The following TMEM62 variants were observed in gnomAD, a reference collection of about 807,000 sequenced individuals.
The protein encoded by TMEM62 is transmembrane protein 62.
A neutral mutation model predicts 70.4 loss-of-function variants in TMEM62; 41 were observed. The ratio of observed to expected loss-of-function variants is 0.58; its 90% CI spans 0.45 to 0.76. The LOEUF is 0.76. Ranked by LOEUF, TMEM62 falls within the 30% of genes least tolerant of loss-of-function variation. TMEM62 has a pLI of 0.00. For synonymous variants in TMEM62, 268 were observed against 291.0 expected, an observed-to-expected ratio of 0.92 and a Z score of 0.80; for missense variants, 688 against 788.5, an observed-to-expected ratio of 0.87 and a Z score of 1.53.
At chr15:43,165,609 T>C (rs578008281) in intron 10 of TMEM62, among the ~76,000 whole-genome samples, 9 of 151,908 alleles carry the variant, frequency 5.9e-5, no homozygotes, top group Admixed American at 4.6e-4. Flanking sequence ...GGCGGGCACC[T>C]GTAGTCTCAG....
At chr15:43,159,070 AT>A (rs986478226) in intron 9 of TMEM62, among the ~76,000 whole-genome samples, 3 of 151,842 alleles carry the variant, frequency 2.0e-5, no homozygotes, top group Non-Finnish European at 4.4e-5. Flanking sequence ...TTTCTTATGC[AT>A]TTTTTTCTTT....
At chr15:43,138,551 C>CTTTTT in intron 3 of TMEM62, 23 bp from the exon 4 acceptor site, 1 of 1,317,484 alleles carries the variant, frequency 7.6e-7, no homozygotes, top group Non-Finnish European at 1.1e-6. Context: ...TGAATGTTTG[C>CTTTTT]TTTTTTTTTT....
rs562854883 is a variant in TMEM62 at position 43,163,191 on chromosome 15, A to T, written c.1296+2397A>T. ...CTGGGTGTTAGCATAAAATAAAAAT[A>T]AAAAAAAAGAAATACACTAAAATTT... is the stretch of plus-strand genomic sequence containing the variant. On this transcript the variant is annotated intron_variant, in intron 10 of 13. Coordinates refer to ENST00000260403, the MANE Select transcript of TMEM62 (RefSeq NM_024956.4). Among the ~76,000 whole-genome samples the T allele has an allele frequency of 1.0e-3, 86 of 82,428 alleles. No homozygotes were observed. The Middle Eastern group carries it at 0.027, about 26-fold the overall frequency. 54.1% of individuals were successfully genotyped at this position (82,428 alleles called of 152,430 possible).
At chr15:43,171,614 C>CTTTTTTT (rs751979920) in intron 11 of TMEM62, among the ~76,000 whole-genome samples, 58 of 114,984 alleles carry the variant, frequency 5.0e-4, no homozygotes, top group African/African-American at 9.0e-4. Flanking sequence ...TTAATAAAAA[C>CTTTTTTT]TTTTTTTTTT....
chr15:43,166,043 T>C (rs1328688723), intron 10 of TMEM62, among the ~76,000 whole-genome samples: 1 of 152,244 alleles, frequency 6.6e-6, no homozygotes, highest in African/African-American at 2.4e-5. Flanking sequence ...TGGGCTTGTT[T>C]GTACTCATCC....
intron 9 of TMEM62, among the ~76,000 whole-genome samples, chr15:43,160,038 G>A (rs558841498): frequency 6.6e-6 from 1 of 151,876 alleles, no homozygotes; most frequent in Non-Finnish European, 1.5e-5. Context: ...GCGTGATCTC[G>A]GCTCACTGCA....
chr15:43,165,218 T>C (rs1373023613), intron 10 of TMEM62, among the ~76,000 whole-genome samples: 1 of 151,876 alleles, frequency 6.6e-6, no homozygotes, highest in Non-Finnish European at 1.5e-5. Context: ...TTGAGGCTGT[T>C]TTCTAGATCT....
chr15:43,134,324 CT>C lies in TMEM62; in HGVS notation c.249del (p.Glu84LysfsTer12). On this transcript the variant is annotated frameshift_variant, in exon 2 of 14. Coordinates refer to ENST00000260403, the MANE Select transcript of TMEM62 (RefSeq NM_024956.4). LOFTEE classifies it high-confidence loss of function. ...GRAVDLEKFC[S>X]ETIDIIQPAL... is the part of the protein sequence containing the mutation. ...GCGGTAGACTTAGAGAAATTCTGTT[CT>C]GAAACTATTGACATCATTCAACCAG... 6.2e-7 allele frequency: 1 copy of C among 1,614,158 alleles called. No individual in the cohort carries two copies.
chr15:43,183,109 A>C (rs769137259), intron 13 of TMEM62, among the ~76,000 whole-genome samples: 80 of 152,266 alleles, frequency 5.3e-4, no homozygotes, highest in Non-Finnish European at 8.1e-4. Flanking sequence ...TCCACCATTC[A>C]CCTGATTTCT....
In TMEM62 at chr15:43,164,363, A is replaced by C. The variant is rs570742417; in HGVS notation, c.1296+3569A>C. 3.4e-4 allele frequency among the ~76,000 whole-genome samples: 52 copies of C among 152,240 alleles called. 1 individual carries two copies. In the South Asian group the frequency reaches 0.01, roughly 30 times the overall value. On this transcript the variant is annotated intron_variant, in intron 10 of 13. Coordinates refer to ENST00000260403, the MANE Select transcript of TMEM62 (RefSeq NM_024956.4). ...AAGATGTGAGTGGTTTATGTACCAC[A>C]ATTACAGTGTCAGAGTATTCTATAT...
chr15:43,167,453 G>A (rs1353585369), intron 10 of TMEM62, among the ~76,000 whole-genome samples: 8 of 151,736 alleles, frequency 5.3e-5, no homozygotes, highest in Admixed American at 1.3e-4. Flanking sequence ...CAGACGGGGC[G>A]GCCCGGCAGA....
chr15:43,160,642 T>G (rs538698518), intron 9 of TMEM62, 39 bp from the exon 10 acceptor site: 2 of 1,068,528 alleles, frequency 1.9e-6, no homozygotes, highest in East Asian at 4.8e-5. Flanking sequence ...AATATTTCCA[T>G]GTACATGAAA....
At chr15:43,141,241 T>G (rs759154216) in intron 4 of TMEM62, among the ~76,000 whole-genome samples, 5 of 152,198 alleles carry the variant, frequency 3.3e-5, no homozygotes, top group Non-Finnish European at 7.3e-5. Flanking sequence ...AGCAAAGGGC[T>G]CTGTTCCTGG....
rs150124393 is a variant in TMEM62, at chr15:43,143,521, C to T, written c.477-2972C>T. On this transcript the variant is annotated intron_variant, in intron 4 of 13. Transcript: ENST00000260403. ...CTAATGGTACTTTTAATATTCCACACGGGCTTAAAAAATTGTTTAAGTCAT... is the reference window on the plus strand; with the variant it reads ...CTAATGGTACTTTTAATATTCCACATGGGCTTAAAAAATTGTTTAAGTCAT... Among the ~76,000 whole-genome samples, 195 of 152,232 alleles carry T rather than the reference C, an allele frequency of 1.3e-3. 1 individual carries two copies. The highest frequency in any genetic ancestry group is 4.5e-3 in the African/African-American group (188 of 41,538).
chr15:43,172,906 C>T (rs950191172), intron 11 of TMEM62, among the ~76,000 whole-genome samples: 1 of 152,138 alleles, frequency 6.6e-6, no homozygotes, highest in African/African-American at 2.4e-5. Context: ...AAGCATCAGT[C>T]TTCACTCCTA....
chr15:43,135,128 G>C lies in TMEM62; in HGVS notation c.293-384G>C, dbSNP rs111476592. Reference sequence around the variant, plus strand: ...AATACTTGGTCAAATCACATATTCTGATTTTGTGGTTTGGAAAATATGGTT... The same window carrying C: ...AATACTTGGTCAAATCACATATTCTCATTTTGTGGTTTGGAAAATATGGTT... On this transcript the variant is annotated intron_variant, in intron 2 of 13. Transcript: ENST00000260403. 6.6e-4 allele frequency among the ~76,000 whole-genome samples: 100 copies of C among 152,296 alleles called. 1 individual carries two copies. Among genetic ancestry groups the C allele is most frequent in the African/African-American group, 2.3e-3 (97 of 41,564 alleles).
intron 10 of TMEM62, among the ~76,000 whole-genome samples, chr15:43,165,701 C>A (rs2039323534): frequency 6.6e-6 from 1 of 150,830 alleles, no homozygotes; most frequent in Non-Finnish European, 1.5e-5. Flanking sequence ...CCACTGCACT[C>A]CAGCCTGGGT....
At chr15:43,136,216 T>C (rs917949882) in intron 3 of TMEM62, among the ~76,000 whole-genome samples, 19 of 152,216 alleles carry the variant, frequency 1.2e-4, no homozygotes, top group African/African-American at 4.3e-4. Context: ...AGAGAACAGA[T>C]TGTAGTTACC....
intron 13 of TMEM62, among the ~76,000 whole-genome samples, chr15:43,183,271 T>C (rs1424254432): frequency 6.6e-6 from 1 of 152,250 alleles, no homozygotes; most frequent in Admixed American, 6.5e-5. Flanking sequence ...TAATTATTTC[T>C]TGCCTGGGTC....
Sources: allele counts gnomAD v4.1 joint callset (sites outside exome capture counted in the v4.1 genomes callset), GRCh38; gene constraint gnomAD v4.1.1; transcripts MANE v1.5; gene names NCBI Gene and HGNC (gene_info 2026-07-23, HGNC 2026-07-21).